SERGEF: variants seen among roughly 807,000 people sequenced by gnomAD.
SERGEF encodes the protein secretion-regulating guanine nucleotide exchange factor.
In SERGEF, 51 loss-of-function variants were observed where a neutral mutation model predicts 50.0. The ratio of observed to expected loss-of-function variants is 1.02; its 90% CI spans 0.81 to 1.29. The LOEUF (loss-of-function observed/expected upper bound fraction) is 1.29, where lower values mean the gene tolerates loss of function less well. Among genes scored for constraint, SERGEF ranks in the 50% most tolerant of loss-of-function variants. The probability of loss-of-function intolerance (pLI) is 0.00; values close to 1 mark genes in which losing one functional copy is unlikely to be tolerated. For synonymous variants in SERGEF, 205 were observed against 212.4 expected (o/e 0.97, Z 0.30); for missense variants, 521 against 557.0 (o/e 0.94, Z 0.65).
chr11:17,946,710 C>G (rs1430869473), intron 9 of SERGEF, among the ~76,000 whole-genome samples: 6 of 152,186 alleles, frequency 3.9e-5, no homozygotes, highest in Non-Finnish European at 8.8e-5. Flanking sequence ...CCTCTGTGTT[C>G]TCACCCTAAA....
chr11:17,997,154 G>A (rs796405307), intron 5 of SERGEF, among the ~76,000 whole-genome samples: 59 of 152,274 alleles, frequency 3.9e-4, no homozygotes, highest in African/African-American at 1.2e-3. Context: ...CCAAGATCAC[G>A]CCACTGCACT....
At chr11:17,900,470 T>G (rs1235548814) in intron 9 of SERGEF, among the ~76,000 whole-genome samples, 1 of 152,250 alleles carries the variant, frequency 6.6e-6, no homozygotes, top group Non-Finnish European at 1.5e-5. Context: ...TATGTACTTA[T>G]AGCAGCTAAA....
In SERGEF at chr11:17,968,574, C is replaced by G. The variant is rs552473210; in HGVS notation, c.845-8938G>C. ...AAAAAAACTAGTTGAACAGGTAGTG[C>G]ACACCTGTAGTCCTAGCTATTCCAG... On this transcript the variant is annotated intron_variant, in intron 8 of 10. Coordinates refer to ENST00000265965, the MANE Select transcript of SERGEF (RefSeq NM_012139.4). Among the ~76,000 whole-genome samples, 11 of 152,130 alleles carry G rather than the reference C, an allele frequency of 7.2e-5. No homozygotes were observed. The South Asian group carries it at 2.1e-3, about 29-fold the overall frequency.
chr11:17,990,443 T>C (rs950754200), intron 7 of SERGEF, among the ~76,000 whole-genome samples: 1 of 152,348 alleles, frequency 6.6e-6, no homozygotes, highest in South Asian at 2.1e-4. Context: ...GTGCAAAGTA[T>C]GAAGATCTCT....
intron 9 of SERGEF, among the ~76,000 whole-genome samples, chr11:17,897,306 G>A (rs1474700064): frequency 1.3e-5 from 2 of 152,148 alleles, no homozygotes. Context: ...TTCTTCCCTA[G>A]AGTCTCCAGG....
chr11:17,886,919 TG>T (rs1851441503), intron 9 of SERGEF, among the ~76,000 whole-genome samples: 3 of 152,298 alleles, frequency 2.0e-5, no homozygotes, highest in Admixed American at 2.0e-4. Context: ...TGTCTCAATG[TG>T]GATTAATGCA....
chr11:17,972,451 C>CA (rs1472606241), intron 8 of SERGEF, among the ~76,000 whole-genome samples: 1 of 152,134 alleles, frequency 6.6e-6, no homozygotes, highest in Non-Finnish European at 1.5e-5. Context: ...AGGCCACCAG[C>CA]AAAAAGATCA....
chr11:18,010,609 A>C (rs762835158), intron 1 of SERGEF, among the ~76,000 whole-genome samples: 10 of 152,224 alleles, frequency 6.6e-5, no homozygotes, highest in Non-Finnish European at 1.3e-4. Flanking sequence ...CTAAAAGAGC[A>C]TCCCCATATC....
intron 10 of SERGEF, among the ~76,000 whole-genome samples, chr11:17,876,008 T>A (rs1193686607): frequency 6.6e-6 from 1 of 152,180 alleles, no homozygotes; most frequent in Non-Finnish European, 1.5e-5. Context: ...CAGGAACTCT[T>A]CTTCACCTGC....
chr11:17,830,604 GAGA>G (rs1850280271), intron 10 of SERGEF, among the ~76,000 whole-genome samples: 2 of 38,882 alleles, frequency 5.1e-5, no homozygotes, highest in African/African-American at 9.6e-5. Context: ...GAGAGGTGGA[GAGA>G]GAGAGAGAGA....
chr11:17,872,611 A>G (rs1052126772), intron 10 of SERGEF, among the ~76,000 whole-genome samples: 8 of 152,226 alleles, frequency 5.3e-5, no homozygotes, highest in African/African-American at 1.7e-4. Context: ...ATACATTTAT[A>G]CTTTGACACA....
intron 8 of SERGEF, among the ~76,000 whole-genome samples, chr11:17,977,609 C>T (rs569507076): frequency 2.0e-5 from 3 of 152,190 alleles, no homozygotes; most frequent in Admixed American, 6.5e-5. Flanking sequence ...GCCTAAAGGG[C>T]TGCTACAGAC....
At chr11:17,972,086 T>C (rs1019080038) in intron 8 of SERGEF, among the ~76,000 whole-genome samples, 1 of 152,010 alleles carries the variant, frequency 6.6e-6, no homozygotes, top group African/African-American at 2.4e-5. Flanking sequence ...GGTTGAGGAG[T>C]TGCTTCTTAT....
intron 9 of SERGEF, among the ~76,000 whole-genome samples, chr11:17,923,880 C>T (rs1445130938): frequency 6.6e-6 from 1 of 152,218 alleles, no homozygotes; most frequent in East Asian, 1.9e-4. Flanking sequence ...ATCACAAGCT[C>T]CTTGATGGAA....
chr11:17,985,530 G>A (rs1853576421), intron 8 of SERGEF, among the ~76,000 whole-genome samples: 1 of 152,184 alleles, frequency 6.6e-6, no homozygotes, highest in African/African-American at 2.4e-5. Context: ...GTCCCATGAA[G>A]TTCCTGAGAA....
intron 1 of SERGEF, chr11:18,012,386 C>G (rs971625726): frequency 1.6e-6 from 1 of 611,554 alleles, no homozygotes; most frequent in Admixed American, 6.1e-5. Context: ...CCCAATGCTC[C>G]CGTCAAACCA....
rs1304444020 is a variant in SERGEF, at chr11:17,913,411, G to T, written c.1012-35167C>A. ...GCCCTAGCTCAAAGCTGTCTTTTTG[G>T]AGGCAGGATGTTGTTAGTACACCCA... On this transcript the variant is annotated intron_variant, in intron 9 of 10. Transcript: ENST00000265965. Among the ~76,000 whole-genome samples the T allele has an allele frequency of 2.0e-5, 3 of 152,350 alleles. No homozygotes were observed. In the East Asian group the frequency reaches 5.8e-4, roughly 29 times the overall value.
chr11:17,973,789 C>T (rs551211277), intron 8 of SERGEF, among the ~76,000 whole-genome samples: 7 of 152,132 alleles, frequency 4.6e-5, no homozygotes, highest in East Asian at 3.8e-4. Context: ...TGAAACTGAG[C>T]GGTGGACATG....
chr11:17,859,463 A>C (rs993411351), intron 10 of SERGEF, among the ~76,000 whole-genome samples: 2 of 152,130 alleles, frequency 1.3e-5, no homozygotes, highest in Non-Finnish European at 2.9e-5. Context: ...CAGGAAATTC[A>C]ATATACATTC....
Sources: allele counts gnomAD v4.1 joint callset (sites outside exome capture counted in the v4.1 genomes callset), GRCh38; gene constraint gnomAD v4.1.1; transcripts MANE v1.5; gene names NCBI Gene and HGNC (gene_info 2026-07-23, HGNC 2026-07-21).